PDE4D: variants seen among roughly 807,000 people sequenced by gnomAD.
The protein encoded by PDE4D is 3',5'-cyclic-AMP phosphodiesterase 4D.
Under a neutral mutation model 87.4 loss-of-function variants are expected in PDE4D, and 24 were observed. The observed-to-expected ratio is 0.27, with a 90% CI of 0.20 to 0.39. PDE4D has a LOEUF of 0.39. PDE4D is among the 10% of genes least tolerant of loss of function. The pLI is 1.00. For synonymous variants in PDE4D, 384 were observed against 383.2 expected (o/e 1.00, Z -0.02); for missense variants, 714 against 1,041.0 (o/e 0.69, Z 4.32).
intron 2 of PDE4D, among the ~76,000 whole-genome samples, chr5:60,114,611 A>C (rs1325346130): frequency 6.6e-6 from 1 of 152,048 alleles, no homozygotes; most frequent in African/African-American, 2.4e-5. Flanking sequence ...CTAAAGAAAA[A>C]CCAAATGATT....
chr5:60,098,656 T>C (rs912892741), intron 2 of PDE4D, among the ~76,000 whole-genome samples: 9 of 152,042 alleles, frequency 5.9e-5, no homozygotes, highest in Middle Eastern at 6.3e-3. Context: ...AATTTATTAA[T>C]TTTAAGTTTT....
intron 1 of PDE4D, among the ~76,000 whole-genome samples, chr5:59,256,148 A>G (rs1760926503): frequency 6.6e-6 from 1 of 152,136 alleles, no homozygotes; most frequent in African/African-American, 2.4e-5. Context: ...GTTGACAAGT[A>G]TAGTAGCTGT....
chr5:59,836,640 ATC>A (rs1161063837), intron 1 of PDE4D, among the ~76,000 whole-genome samples: 18 of 150,496 alleles, frequency 1.2e-4, no homozygotes, highest in African/African-American at 4.5e-4. Flanking sequence ...CTATCTATCT[ATC>A]TATCTATCTA....
intron 1 of PDE4D, among the ~76,000 whole-genome samples, chr5:59,504,641 A>G (rs1359913593): frequency 6.6e-6 from 1 of 152,074 alleles, no homozygotes; most frequent in Non-Finnish European, 1.5e-5. Context: ...CCTCTGTCCT[A>G]CATTTGGGAA....
intron 2 of PDE4D, among the ~76,000 whole-genome samples, chr5:59,996,087 C>T (rs190962549): frequency 8.1e-4 from 123 of 152,226 alleles, no homozygotes; most frequent in Non-Finnish European, 6.6e-4. Flanking sequence ...TGGGTCTCTC[C>T]CCATGTTCAA....
chr5:60,501,683 G>C (rs1402332668), intron 1 of PDE4D, among the ~76,000 whole-genome samples: 1 of 151,510 alleles, frequency 6.6e-6, no homozygotes, highest in African/African-American at 2.4e-5. Flanking sequence ...ACTTTTTAAT[G>C]ATCGCCATTC....
intron 3 of PDE4D, among the ~76,000 whole-genome samples, chr5:59,914,548 G>A (rs2152772991): frequency 6.7e-6 from 1 of 148,556 alleles, no homozygotes; most frequent in East Asian, 2.0e-4. Flanking sequence ...GTGTGTGTGT[G>A]TGTGTGTGTG....
intron 1 of PDE4D, among the ~76,000 whole-genome samples, chr5:60,213,612 T>A (rs1743504046): frequency 6.6e-6 from 1 of 152,212 alleles, no homozygotes; most frequent in South Asian, 2.1e-4. Context: ...CTTCCCCCGT[T>A]GACAACAGAA....
Position 59,067,535 on chromosome 5 carries a change from T to C in PDE4D, c.809-28564A>G, listed in dbSNP as rs114040520. Among the ~76,000 whole-genome samples, 243 of 152,332 alleles carry C rather than the reference T, an allele frequency of 1.6e-3. 1 individual carries two copies. The highest frequency in any genetic ancestry group is 5.6e-3 in the African/African-American group (234 of 41,582). On this transcript the variant is annotated intron_variant, in intron 5 of 14. Transcript: ENST00000340635. ...TATATGATGGCATTTAAATATTGAC[T>C]AGGTTTCTGATACAGTTTTTGGAGT...
intron 2 of PDE4D, among the ~76,000 whole-genome samples, chr5:60,048,750 G>T (rs1399872725): frequency 6.6e-6 from 1 of 151,838 alleles, no homozygotes; most frequent in Non-Finnish European, 1.5e-5. Flanking sequence ...TAGTCTGATG[G>T]GCTTCCCTTT....
intron 1 of PDE4D, among the ~76,000 whole-genome samples, chr5:59,716,093 G>A (rs1446675885): frequency 6.6e-6 from 1 of 152,190 alleles, no homozygotes; most frequent in East Asian, 1.9e-4. Flanking sequence ...TAAGGAAAAT[G>A]GATGTGCTGC....
intron 1 of PDE4D, among the ~76,000 whole-genome samples, chr5:60,337,833 C>G (rs1237124778): frequency 6.6e-6 from 1 of 151,930 alleles, no homozygotes; most frequent in East Asian, 1.9e-4. Context: ...AGAGTGTAAT[C>G]TTAGCTGGAT....
At chr5:59,807,130 G>C (rs998589054) in intron 1 of PDE4D, among the ~76,000 whole-genome samples, 2 of 152,034 alleles carry the variant, frequency 1.3e-5, no homozygotes, top group African/African-American at 4.8e-5. Context: ...CAGGGCATTG[G>C]GTTCTAAGCC....
chr5:60,506,958 T>C (rs772942547), intron 1 of PDE4D, among the ~76,000 whole-genome samples: 1 of 152,216 alleles, frequency 6.6e-6, no homozygotes, highest in Non-Finnish European at 1.5e-5. Flanking sequence ...TCTAGTCCTA[T>C]TAGCAAAAGA....
chr5:59,049,640 G>A (rs1761237189), intron 5 of PDE4D, among the ~76,000 whole-genome samples: 1 of 152,094 alleles, frequency 6.6e-6, no homozygotes, highest in African/African-American at 2.4e-5. Context: ...AATGCACAAA[G>A]GTGCATCTGA....
intron 3 of PDE4D, among the ~76,000 whole-genome samples, chr5:59,919,765 G>C (rs1754467877): frequency 6.6e-6 from 1 of 152,000 alleles, no homozygotes; most frequent in African/African-American, 2.4e-5. Context: ...TAAACATTTG[G>C]GAACTTTTAT....
intron 3 of PDE4D, among the ~76,000 whole-genome samples, chr5:59,974,468 T>C (rs1486327420): frequency 6.6e-6 from 1 of 152,190 alleles, no homozygotes; most frequent in Non-Finnish European, 1.5e-5. Flanking sequence ...GGGAAACAGC[T>C]GAGTAATCTG....
At chr5:59,935,603 T>C (rs1231593799) in intron 3 of PDE4D, among the ~76,000 whole-genome samples, 2 of 152,174 alleles carry the variant, frequency 1.3e-5, no homozygotes, top group Non-Finnish European at 2.9e-5. Flanking sequence ...CAGAACACAT[T>C]TTAGTGAATA....
At chr5:59,577,024 C>T (rs577792619) in intron 1 of PDE4D, among the ~76,000 whole-genome samples, 20 of 152,138 alleles carry the variant, frequency 1.3e-4, no homozygotes, top group Admixed American at 3.9e-4. Flanking sequence ...TCCATCATTA[C>T]GCCAATTATT....
Sources: allele counts gnomAD v4.1 joint callset (sites outside exome capture counted in the v4.1 genomes callset), GRCh38; gene constraint gnomAD v4.1.1; transcripts MANE v1.5; gene names NCBI Gene and HGNC (gene_info 2026-07-23, HGNC 2026-07-21).